The following TAF4 variants were observed in gnomAD, a reference collection of about 807,000 sequenced individuals.
TAF4 encodes the protein TATA-box binding protein associated factor 4, also known as transcription initiation factor TFIID subunit 4.
In TAF4, 9 loss-of-function variants were observed where a neutral mutation model predicts 90.3. The observed-to-expected ratio is 0.10, with a 90% CI of 0.06 to 0.17. The LOEUF is 0.17. Ranked by LOEUF, TAF4 falls within the 10% of genes least tolerant of loss-of-function variation. The pLI, the probability that TAF4 is intolerant of heterozygous loss-of-function variation, is 1.00. For missense variants in TAF4, 1,351 were observed against 1,370.7 expected (o/e 0.99, Z 0.23); for synonymous variants, 818 against 638.9 (o/e 1.28, Z -4.23).
chr20:61,994,789 C>G (rs928650459), intron 14 of TAF4, among the ~76,000 whole-genome samples: 8 of 152,216 alleles, frequency 5.3e-5, no homozygotes, highest in Non-Finnish European at 1.0e-4. Flanking sequence ...CAATGTGCAT[C>G]AGACAGCAGC....
chr20:61,987,727 C>G (rs1240268077), intron 14 of TAF4, among the ~76,000 whole-genome samples: 2 of 152,210 alleles, frequency 1.3e-5, no homozygotes, highest in South Asian at 4.1e-4. Context: ...TGGTATTTAC[C>G]CAAAGGGGCT....
At position 61,998,971 on chromosome 20, in the gene TAF4, C is replaced by T. The variant is rs1327510301; in HGVS notation, c.2913+12G>A. On this transcript the variant is annotated intron_variant, in intron 12 of 14. Transcript: ENST00000252996. ...GGTGCCCAGACGGCAGCAGCAGACA[C>T]CCAGCACTCGCCTTTGCTGCCCTCA... is the stretch of plus-strand genomic sequence containing the variant. The T allele has an allele frequency of 6.2e-6, 10 of 1,612,236 alleles. No homozygotes were observed. Among genetic ancestry groups the T allele is most frequent in the Non-Finnish European group, 8.5e-6 (10 of 1,179,772 alleles).
chr20:62,030,478 C>G (rs1202343615), intron 1 of TAF4, among the ~76,000 whole-genome samples: 1 of 152,236 alleles, frequency 6.6e-6, no homozygotes, highest in Non-Finnish European at 1.5e-5. Flanking sequence ...AAAGTTTACC[C>G]TGCCCAGCAG....
chr20:62,039,195 A>G (rs997863285), intron 1 of TAF4, among the ~76,000 whole-genome samples: 8 of 152,200 alleles, frequency 5.3e-5, no homozygotes, highest in African/African-American at 1.9e-4. Context: ...GACTCCTGCC[A>G]CCCATCAACA....
chr20:62,031,287 C>T (rs111614159), intron 1 of TAF4, among the ~76,000 whole-genome samples: 7 of 152,278 alleles, frequency 4.6e-5, no homozygotes, highest in African/African-American at 1.4e-4. Flanking sequence ...CTCCAGGCAC[C>T]GCACACCTTG....
chr20:62,064,244 C>T (rs2056107731), intron 1 of TAF4: 4 of 476,930 alleles, frequency 8.4e-6, no homozygotes, highest in Middle Eastern at 5.7e-4. Context: ...GCGACAGGGA[C>T]GCAGGCTATG....
chr20:62,034,827 C>CTTTTCTTTTTTTCTTT (rs555793597), intron 1 of TAF4, among the ~76,000 whole-genome samples: 1 of 141,810 alleles, frequency 7.1e-6, no homozygotes, highest in Non-Finnish European at 1.5e-5. Context: ...TCATAGATTT[C>CTTTTCTTTTTTTCTTT]TTTTTTTTTT....
At chr20:61,994,532 G>A (rs929447196) in intron 14 of TAF4, among the ~76,000 whole-genome samples, 4 of 152,182 alleles carry the variant, frequency 2.6e-5, no homozygotes, top group African/African-American at 7.2e-5. Flanking sequence ...TGAACCTCTG[G>A]GATGCCATAT....
intron 1 of TAF4, among the ~76,000 whole-genome samples, chr20:62,050,610 A>G (rs962081106): frequency 6.6e-6 from 1 of 152,156 alleles, no homozygotes; most frequent in Non-Finnish European, 1.5e-5. Context: ...AGAGAAGGAC[A>G]AGAGAGTTCA....
chr20:61,979,884 C>T (rs538952736), intron 14 of TAF4, among the ~76,000 whole-genome samples: 17 of 121,822 alleles, frequency 1.4e-4, no homozygotes, highest in South Asian at 1.2e-3. Context: ...GCAGGCGCGA[C>T]GGCCACTCCA....
intron 1 of TAF4, among the ~76,000 whole-genome samples, chr20:62,049,276 C>T (rs964621288): frequency 6.6e-6 from 1 of 152,150 alleles, no homozygotes; most frequent in African/African-American, 2.4e-5. Flanking sequence ...GTGCGAGTGT[C>T]TGTGACCTGT....
Position 62,056,288 on chromosome 20 carries a change from G to A in TAF4, c.1360+8163C>T, listed in dbSNP as rs905067665. ...GCTTATACAAATAGGCACAGTTGGC[G>A]AGAATAAATAGCCAACATCCACATG... On this transcript the variant is annotated intron_variant, in intron 1 of 14. Transcript: ENST00000252996. 3.9e-5 allele frequency among the ~76,000 whole-genome samples: 6 copies of A among 152,162 alleles called. No homozygotes were observed. In the South Asian group the frequency reaches 8.3e-4, roughly 21 times the overall value.
At chr20:62,013,698 A>G (rs2055792804) in intron 2 of TAF4, among the ~76,000 whole-genome samples, 1 of 152,230 alleles carries the variant, frequency 6.6e-6, no homozygotes, top group African/African-American at 2.4e-5. Context: ...CAGGTCATTC[A>G]GAGCAGCAGC....
chr20:61,997,807 G>A lies in TAF4; in HGVS notation c.2971-138C>T, dbSNP rs1231913398. On this transcript the variant is annotated intron_variant, in intron 13 of 14. Coordinates refer to ENST00000252996, the MANE Select transcript of TAF4 (RefSeq NM_003185.4). ...CTTTAATGTTTTGACTTTCTCAATAGTAAGCATATTCTATAATCCAAAAAA... is the reference window on the plus strand; with the variant it reads ...CTTTAATGTTTTGACTTTCTCAATAATAAGCATATTCTATAATCCAAAAAA... 8 of 1,145,934 alleles carry A rather than the reference G, an allele frequency of 7.0e-6. No individual in the cohort carries two copies. The Admixed American group carries it at 1.2e-4, about 17-fold the overall frequency. 71.0% of individuals were successfully genotyped at this position (1,145,934 alleles called of 1,614,324 possible).
chr20:62,048,984 C>G (rs1334405751), intron 1 of TAF4, among the ~76,000 whole-genome samples: 2 of 149,648 alleles, frequency 1.3e-5, no homozygotes, highest in Non-Finnish European at 3.0e-5. Context: ...GCTCCATCCC[C>G]CCCTGGGCCC....
At chr20:62,031,555 G>A (rs1228097680) in intron 1 of TAF4, among the ~76,000 whole-genome samples, 1 of 152,068 alleles carries the variant, frequency 6.6e-6, no homozygotes, top group African/African-American at 2.4e-5. Flanking sequence ...CCTTTGCCTT[G>A]ACTGAGAGCT....
At chr20:62,035,429 T>C (rs1399807767) in intron 1 of TAF4, among the ~76,000 whole-genome samples, 2 of 152,120 alleles carry the variant, frequency 1.3e-5, no homozygotes, top group African/African-American at 2.4e-5. Flanking sequence ...ACCTGAAATG[T>C]TACAGACGGG....
At chr20:61,997,911 T>C (rs1166423324) in intron 13 of TAF4, among the ~76,000 whole-genome samples, 5 of 152,244 alleles carry the variant, frequency 3.3e-5, no homozygotes, top group East Asian at 3.8e-4. Flanking sequence ...CAGAGACTAA[T>C]GCCCCCCGCA....
chr20:62,008,690 G>C (rs1338516426), intron 5 of TAF4, among the ~76,000 whole-genome samples: 1 of 152,106 alleles, frequency 6.6e-6, no homozygotes, highest in Non-Finnish European at 1.5e-5. Context: ...TTTTATAAGA[G>C]GTCACACAGG....
Sources: allele counts gnomAD v4.1 joint callset (sites outside exome capture counted in the v4.1 genomes callset), GRCh38; gene constraint gnomAD v4.1.1; transcripts MANE v1.5; gene names NCBI Gene and HGNC (gene_info 2026-07-23, HGNC 2026-07-21).